The following SHTN1 variants were observed in gnomAD, a reference collection of about 807,000 sequenced individuals.
SHTN1 encodes the protein shootin 1.
A neutral mutation model predicts 83.1 loss-of-function variants in SHTN1; 42 were observed. The observed-to-expected ratio is 0.51, with a 90% CI of 0.39 to 0.65. The LOEUF (loss-of-function observed/expected upper bound fraction) is 0.65. Among genes scored for constraint, SHTN1 ranks in the 30% least tolerant of loss-of-function variants. The pLI, the probability that SHTN1 is intolerant of heterozygous loss-of-function variation, is 0.00. For synonymous variants in SHTN1, 224 were observed against 247.7 expected, an observed-to-expected ratio of 0.90 and a Z score of 0.90; for missense variants, 622 against 737.8, an observed-to-expected ratio of 0.84 and a Z score of 1.82.
intron 1 of SHTN1, among the ~76,000 whole-genome samples, chr10:117,071,114 G>A (rs1407679134): frequency 6.6e-6 from 1 of 152,002 alleles, no homozygotes; most frequent in Non-Finnish European, 1.5e-5. Context: ...TAAATAAAAT[G>A]TAATTTCATA....
Position 116,940,556 on chromosome 10 carries a change from G to A in SHTN1, c.768C>T (p.Ser256=). The change falls in exon 9 of 17, where the codon TCC becomes TCT. Residue 256 remains serine (S), a synonymous_variant. Coordinates refer to ENST00000355371, the MANE Select transcript of SHTN1 (RefSeq NM_001127211.3). ...CTTTCAAAAGCTGCTGATCAGGGATGGAGCTCTGCAGCAGAAGGTGGCTTT... is the reference window on the plus strand; with the variant it reads ...CTTTCAAAAGCTGCTGATCAGGGATAGAGCTCTGCAGCAGAAGGTGGCTTT... ...KRQSHLLLQS[S]IPDQQLLKAL... is the part of the protein sequence containing the mutation. 5 of 1,613,794 alleles carry A rather than the reference G, an allele frequency of 3.1e-6. No individual in the cohort carries two copies. Among genetic ancestry groups the A allele is most frequent in the Non-Finnish European group, 4.2e-6 (5 of 1,179,800 alleles).
chr10:116,933,796 C>T (rs1849056666), intron 9 of SHTN1, among the ~76,000 whole-genome samples: 1 of 152,166 alleles, frequency 6.6e-6, no homozygotes, highest in South Asian at 2.1e-4. Flanking sequence ...AGTGTAAAAG[C>T]ATTCCTATTT....
intron 1 of SHTN1, among the ~76,000 whole-genome samples, chr10:117,075,435 G>A (rs1440709462): frequency 6.6e-6 from 1 of 152,156 alleles, no homozygotes; most frequent in Non-Finnish European, 1.5e-5. Context: ...TAAATACCGG[G>A]CAAATTCTTA....
At position 116,906,532 on chromosome 10, in the gene SHTN1, A is replaced by C. The variant is rs559840506; in HGVS notation, c.1480+95T>G. On this transcript the variant is annotated intron_variant, in intron 15 of 16. Transcript: ENST00000355371. The stretch of plus-strand genomic sequence containing the variant: ...CACATTAAAAACAAATATTTTAATA[A>C]TACTTTTTAAAAGATTGTTTCATGT... The C allele has an allele frequency of 2.8e-5, 35 of 1,264,786 alleles. No individual in the cohort carries two copies. The South Asian group carries it at 5.8e-4, about 21-fold the overall frequency. The allele number at this position is 1,264,786 out of a possible 1,614,324, so 78.3% of individuals were successfully genotyped here.
Position 116,901,755 on chromosome 10 carries a change from C to T in SHTN1, c.1673+10G>A, listed in dbSNP as rs865948000. 15 of 1,579,046 alleles carry T rather than the reference C, an allele frequency of 9.5e-6. No homozygotes were observed. Among genetic ancestry groups the T allele is most frequent in the South Asian group, 1.2e-5 (1 of 85,234 alleles). The stretch of plus-strand genomic sequence containing the variant: ...CTATACACCACTTAGTAAAGAGCAT[C>T]GTTACTTACTGAAACGTAACCTTGG... On this transcript the variant is annotated intron_variant, in intron 16 of 16. Coordinates refer to ENST00000355371, the MANE Select transcript of SHTN1 (RefSeq NM_001127211.3).
chr10:116,966,915 A>C (rs1163009093), intron 3 of SHTN1, among the ~76,000 whole-genome samples: 2 of 152,240 alleles, frequency 1.3e-5, no homozygotes, highest in Non-Finnish European at 2.9e-5. Context: ...TGCAAATAAG[A>C]GGTATTTCTA....
intron 1 of SHTN1, among the ~76,000 whole-genome samples, chr10:117,087,685 A>G (rs1287802552): frequency 6.6e-6 from 1 of 152,248 alleles, no homozygotes; most frequent in Admixed American, 6.5e-5. Context: ...TCAAAACATA[A>G]TGATTAATAC....
Position 116,883,197 on chromosome 10 carries a change from A to G in SHTN1, c.*3147T>C, listed in dbSNP as rs1847071740. ...TCCTCGAGACTGCACTCACCAATGG[A>G]TAATTAGCATTTTAATTTAAATTTC... is the stretch of plus-strand genomic sequence containing the variant. On this transcript the variant is annotated 3_prime_UTR_variant, in exon 17 of 17. Transcript: ENST00000355371. The G allele has an allele frequency of 6.6e-6, 1 of 152,166 alleles. No individual in the cohort carries two copies. The highest frequency in any genetic ancestry group is 6.5e-5 in the Admixed American group (1 of 15,270). The allele number at this position is 152,166 out of a possible 1,614,324, so 9.4% of individuals were successfully genotyped here. A position where few individuals can be genotyped will look rare whatever the true frequency, so the allele number is the denominator to read the frequency against.
chr10:117,092,104 A>G (rs1853438966), intron 1 of SHTN1, among the ~76,000 whole-genome samples: 1 of 152,232 alleles, frequency 6.6e-6, no homozygotes, highest in Non-Finnish European at 1.5e-5. Flanking sequence ...CAAAGCCTGT[A>G]CATGTAACCA....
chr10:117,066,289 C>A (rs186388447), intron 1 of SHTN1, among the ~76,000 whole-genome samples: 2 of 152,200 alleles, frequency 1.3e-5, no homozygotes, highest in Admixed American at 1.3e-4. Context: ...TTCATTTATT[C>A]CTCTTTCCAC....
At chr10:117,083,835 A>G (rs529684399) in intron 1 of SHTN1, among the ~76,000 whole-genome samples, 1 of 152,184 alleles carries the variant, frequency 6.6e-6, no homozygotes, top group East Asian at 1.9e-4. Flanking sequence ...AGTTGATCGC[A>G]TCGGCTCCTG....
intron 1 of SHTN1, among the ~76,000 whole-genome samples, chr10:116,996,611 T>G (rs1189492053): frequency 1.3e-5 from 2 of 152,210 alleles, no homozygotes; most frequent in Non-Finnish European, 2.9e-5. Flanking sequence ...ATTTATAGAC[T>G]GCTCTAAACA....
intron 1 of SHTN1, among the ~76,000 whole-genome samples, chr10:117,109,552 A>ATTTTT (rs1564962314): frequency 2.1e-3 from 35 of 16,562 alleles, no homozygotes; most frequent in East Asian, 4.5e-3. Flanking sequence ...AACATATATT[A>ATTTTT]CTTTTTTTTT....
At chr10:117,124,651 T>C (rs1386950340) in intron 1 of SHTN1, among the ~76,000 whole-genome samples, 1 of 151,762 alleles carries the variant, frequency 6.6e-6, no homozygotes, top group African/African-American at 2.4e-5. Flanking sequence ...TGGGCACCTG[T>C]AATCCCAGCT....
At chr10:116,963,112 C>T (rs1203000271) in intron 3 of SHTN1, among the ~76,000 whole-genome samples, 2 of 104,814 alleles carry the variant, frequency 1.9e-5, no homozygotes, top group African/African-American at 7.4e-5. Context: ...CGCTCTGTGG[C>T]CCAGGCTGGA....
chr10:117,047,542 G>A (rs74933635), intron 2 of SHTN1, among the ~76,000 whole-genome samples: 1,869 of 152,152 alleles, frequency 0.012, 45 homozygotes, highest in African/African-American at 0.042. Context: ...CGATAATTGC[G>A]ATACAGTTTG....
chr10:116,902,985 C>T lies in SHTN1; in HGVS notation c.1481-1028G>A, dbSNP rs893215624. ...ATTTGGATTTAATGTGCCTGATATA[C>T]TCAGTATAATAGCGTAACATATCAA... On this transcript the variant is annotated intron_variant, in intron 15 of 16. Transcript: ENST00000355371. Among the ~76,000 whole-genome samples, 4 of 152,216 alleles carry T rather than the reference C, an allele frequency of 2.6e-5. No homozygotes were observed. In the South Asian group the frequency reaches 8.3e-4, roughly 32 times the overall value.
At chr10:116,958,472 T>C (rs1564898516) in intron 4 of SHTN1, among the ~76,000 whole-genome samples, 1 of 152,180 alleles carries the variant, frequency 6.6e-6, no homozygotes, top group Non-Finnish European at 1.5e-5. Context: ...TAAGACTTAA[T>C]TGTAAAAATG....
intron 2 of SHTN1, among the ~76,000 whole-genome samples, chr10:117,047,932 G>T (rs1852690158): frequency 6.6e-6 from 1 of 151,110 alleles, no homozygotes; most frequent in South Asian, 2.1e-4. Context: ...TTAAAAGTCA[G>T]TTCAATTATG....
Sources: allele counts gnomAD v4.1 joint callset (sites outside exome capture counted in the v4.1 genomes callset), GRCh38; gene constraint gnomAD v4.1.1; transcripts MANE v1.5; gene names NCBI Gene and HGNC (gene_info 2026-07-23, HGNC 2026-07-21).